The following AGAP1 variants were observed in gnomAD, a reference collection of about 807,000 sequenced individuals.
AGAP1 encodes ArfGAP with GTPase domain, ankyrin repeat and PH domain 1, also known as arf-GAP with GTPase, ANK repeat and PH domain-containing protein 1.
A neutral mutation model predicts 105.3 loss-of-function variants in AGAP1; 29 were observed. That is an observed-to-expected ratio of 0.28 (90% CI 0.21 to 0.38). The LOEUF (loss-of-function observed/expected upper bound fraction) is 0.38, where lower values mean the gene tolerates loss of function less well. AGAP1 is among the 10% of genes least tolerant of loss of function. AGAP1 has a pLI of 1.00. For synonymous variants in AGAP1, 509 were observed against 485.9 expected, an observed-to-expected ratio of 1.05 and a Z score of -0.63; for missense variants, 998 against 1,165.1, an observed-to-expected ratio of 0.86 and a Z score of 2.09.
Position 235,524,010 on chromosome 2 carries a change from G to C in AGAP1, c.163+29161G>C, listed in dbSNP as rs190337892. Among the ~76,000 whole-genome samples the C allele has an allele frequency of 2.2e-3, 331 of 152,340 alleles. 1 individual carries two copies. The highest frequency in any genetic ancestry group is 7.6e-3 in the African/African-American group (316 of 41,586). On this transcript the variant is annotated intron_variant, in intron 1 of 17. Coordinates refer to ENST00000304032, the MANE Select transcript of AGAP1 (RefSeq NM_001037131.3). ...ACTCACCACCCTGTGACCTGGCCAG[G>C]GTGTGGGATTGTGCCCGGCTTCCCC...
Position 236,105,650 on chromosome 2 carries a change from GGTTCACACCATTCTCCCGC to G in AGAP1, c.2115-14535_2115-14517del, listed in dbSNP as rs1376368307. Among the ~76,000 whole-genome samples the G allele has an allele frequency of 6.1e-5, 9 of 146,400 alleles. No individual in the cohort carries two copies. Among genetic ancestry groups the G allele is most frequent in the South Asian group, 4.5e-4 (2 of 4,446 alleles). ...GGCTCACTGCAACCTCCGCCTCCCG[GGTTCACACCATTCTCCCGC>G]GTTCACGCCATTCTCCCGCGTTCAC... On this transcript the variant is annotated intron_variant, in intron 16 of 17. Transcript: ENST00000304032. This position sits in a 1 kb window ranked among gnomAD's most constrained non-coding sequence, Gnocchi z 4.2.
In AGAP1 at chr2:236,105,562, T is replaced by C. The variant is rs1484249058; in HGVS notation, c.2115-14630T>C. Among the ~76,000 whole-genome samples the C allele has an allele frequency of 2.1e-5, 3 of 146,214 alleles. No individual in the cohort carries two copies. Among genetic ancestry groups the C allele is most frequent in the African/African-American group, 7.7e-5 (3 of 39,044 alleles). On this transcript the variant is annotated intron_variant, in intron 16 of 17. Transcript: ENST00000304032. This position sits in a 1 kb window ranked among gnomAD's most constrained non-coding sequence, Gnocchi z 4.2. ...GCATCTCTCGTGTCTTTTTTTTTTTTTTTTTTTTTTTGAGACACAGTCTCG... is the reference window on the plus strand; with the variant it reads ...GCATCTCTCGTGTCTTTTTTTTTTTCTTTTTTTTTTTGAGACACAGTCTCG...
chr2:236,001,114 C>T lies in AGAP1; in HGVS notation c.1645+32491C>T, dbSNP rs1559179265. 6.6e-6 allele frequency among the ~76,000 whole-genome samples: 1 copy of T among 152,082 alleles called. No homozygotes were observed. Among genetic ancestry groups the T allele is most frequent in the African/African-American group, 2.4e-5 (1 of 41,416 alleles). ...AGGGGATGGACCCTCAGAGGCGAGACGGACGTACAGGAAACACCACATGGA... is the reference window on the plus strand; with the variant it reads ...AGGGGATGGACCCTCAGAGGCGAGATGGACGTACAGGAAACACCACATGGA... On this transcript the variant is annotated intron_variant, in intron 13 of 17. Transcript: ENST00000304032. This position sits in a 1 kb window ranked among gnomAD's most constrained non-coding sequence, Gnocchi z 4.7.
In AGAP1 at chr2:235,623,255, C is replaced by T. The variant is rs897739001; in HGVS notation, c.164-85924C>T. ...GATTTATGCGTGTTCTGCAGGCTGACCTCTGCTTGTTGATCGTATTACAGC... is the reference window on the plus strand; with the variant it reads ...GATTTATGCGTGTTCTGCAGGCTGATCTCTGCTTGTTGATCGTATTACAGC... On this transcript the variant is annotated intron_variant, in intron 1 of 17. Transcript: ENST00000304032. This position sits in a 1 kb window ranked among gnomAD's most constrained non-coding sequence, Gnocchi z 4.5. Among the ~76,000 whole-genome samples the T allele has an allele frequency of 6.6e-6, 1 of 152,210 alleles. No individual in the cohort carries two copies. Among genetic ancestry groups the T allele is most frequent in the African/African-American group, 2.4e-5 (1 of 41,440 alleles).
intron 1 of AGAP1, among the ~76,000 whole-genome samples, chr2:235,695,543 G>T (rs938548214): frequency 6.6e-6 from 1 of 152,158 alleles, no homozygotes; most frequent in African/African-American, 2.4e-5. Flanking sequence ...TTTGTGCTCA[G>T]TATATTACAC....
intron 6 of AGAP1, among the ~76,000 whole-genome samples, chr2:235,768,675 C>A (rs2149831642): frequency 6.6e-6 from 1 of 152,342 alleles, no homozygotes. Flanking sequence ...CGGCGGCATC[C>A]AGGGATGTGC....
chr2:236,063,390 G>A (rs1014096934), intron 16 of AGAP1, among the ~76,000 whole-genome samples: 16 of 152,102 alleles, frequency 1.1e-4, no homozygotes, highest in Non-Finnish European at 1.8e-4. Context: ...CAGGAATGGT[G>A]GCTCTTAACC....
chr2:235,642,138 C>T lies in AGAP1; in HGVS notation c.164-67041C>T, dbSNP rs1947218377. 6.6e-6 allele frequency among the ~76,000 whole-genome samples: 1 copy of T among 152,202 alleles called. No individual in the cohort carries two copies. Among genetic ancestry groups the T allele is most frequent in the Non-Finnish European group, 1.5e-5 (1 of 68,032 alleles). On this transcript the variant is annotated intron_variant, in intron 1 of 17. Transcript: ENST00000304032. This position sits in a 1 kb window ranked among gnomAD's most constrained non-coding sequence, Gnocchi z 4.1. ...CCCCAGGGGCCCTCCAGAGGGTGCC[C>T]ATCCACGGAGTGCGGCGCCTGCTCG...
chr2:236,089,577 C>T lies in AGAP1; in HGVS notation c.2115-30615C>T, dbSNP rs2059009978. 6.6e-6 allele frequency among the ~76,000 whole-genome samples: 1 copy of T among 152,178 alleles called. No homozygotes were observed. The highest frequency in any genetic ancestry group is 1.5e-5 in the Non-Finnish European group (1 of 68,028). ...TTCCATATAGAGTTCATGCTCACCC[C>T]GAAGTCCTTCTTTGGCACTGGAGAA... is the stretch of plus-strand genomic sequence containing the variant. On this transcript the variant is annotated intron_variant, in intron 16 of 17. Coordinates refer to ENST00000304032, the MANE Select transcript of AGAP1 (RefSeq NM_001037131.3). This position sits in a 1 kb window ranked among gnomAD's most constrained non-coding sequence, Gnocchi z 5.6.
rs1393835782 is a variant in AGAP1, at chr2:236,092,582, C to A, written c.2115-27610C>A. Among the ~76,000 whole-genome samples, 1 of 152,030 alleles carries A rather than the reference C, an allele frequency of 6.6e-6. No individual in the cohort carries two copies. The highest frequency in any genetic ancestry group is 1.5e-5 in the Non-Finnish European group (1 of 68,018). Reference sequence around the variant, plus strand: ...CTAATTTTTGTATTTTTATTAGAGACGGGGTTTCACCGTGTTAGCCAGGAT... The same window carrying A: ...CTAATTTTTGTATTTTTATTAGAGAAGGGGTTTCACCGTGTTAGCCAGGAT... On this transcript the variant is annotated intron_variant, in intron 16 of 17. Transcript: ENST00000304032. This position sits in a 1 kb window ranked among gnomAD's most constrained non-coding sequence, Gnocchi z 4.7.
chr2:235,973,144 T>C lies in AGAP1; in HGVS notation c.1645+4521T>C, dbSNP rs914398620. On this transcript the variant is annotated intron_variant, in intron 13 of 17. Coordinates refer to ENST00000304032, the MANE Select transcript of AGAP1 (RefSeq NM_001037131.3). This position sits in a 1 kb window ranked among gnomAD's most constrained non-coding sequence, Gnocchi z 4.7. ...TACACGGGGCTGTCAGGGTGACCGATGGAAATTGGGCCGTTCCTGCCCTGG... is the reference window on the plus strand; with the variant it reads ...TACACGGGGCTGTCAGGGTGACCGACGGAAATTGGGCCGTTCCTGCCCTGG... Among the ~76,000 whole-genome samples, 1 of 152,178 alleles carries C rather than the reference T, an allele frequency of 6.6e-6. No homozygotes were observed. Among genetic ancestry groups the C allele is most frequent in the Non-Finnish European group, 1.5e-5 (1 of 68,038 alleles).
At chr2:235,890,942 C>CTAAAAAAAAAAAAAA (rs2050510411) in intron 10 of AGAP1, among the ~76,000 whole-genome samples, 1 of 117,668 alleles carries the variant, frequency 8.5e-6, no homozygotes, top group Non-Finnish European at 1.7e-5. Flanking sequence ...AACTGAGGCT[C>CTAAAAAAAAAAAAAA]AAAAAAAAAA....
At chr2:235,498,567 G>C (rs1941423217) in intron 1 of AGAP1, among the ~76,000 whole-genome samples, 1 of 152,212 alleles carries the variant, frequency 6.6e-6, no homozygotes, top group African/African-American at 2.4e-5. Flanking sequence ...TGATGGCATT[G>C]AGGTAGATGA....
In AGAP1 at chr2:236,038,250, C is replaced by G. The variant is rs1010724004; in HGVS notation, c.1800+1535C>G. On this transcript the variant is annotated intron_variant, in intron 14 of 17. Transcript: ENST00000304032. This position sits in a 1 kb window ranked among gnomAD's most constrained non-coding sequence, Gnocchi z 4.5. Reference sequence around the variant, plus strand: ...GGGAAGCAACAGCACACAGCATCCTCCAAGCGTGGGCAGCTCATTCTGAGA... The same window carrying G: ...GGGAAGCAACAGCACACAGCATCCTGCAAGCGTGGGCAGCTCATTCTGAGA... Among the ~76,000 whole-genome samples the G allele has an allele frequency of 1.3e-5, 2 of 152,192 alleles. No individual in the cohort carries two copies. Among genetic ancestry groups the G allele is most frequent in the Non-Finnish European group, 2.9e-5 (2 of 68,046 alleles).
In AGAP1 at chr2:235,777,225, C is replaced by G. The variant is rs1212172858; in HGVS notation, c.674-20534C>G. On this transcript the variant is annotated intron_variant, in intron 6 of 17. Transcript: ENST00000304032. This position sits in a 1 kb window ranked among gnomAD's most constrained non-coding sequence, Gnocchi z 5.1. ...TACAAAAAATTAGCCAGGCGTGCGC[C>G]TGTAATCCCAGCTACTCGGGAGTCT... is the stretch of plus-strand genomic sequence containing the variant. Among the ~76,000 whole-genome samples the G allele has an allele frequency of 2.6e-5, 4 of 152,192 alleles. No homozygotes were observed. The highest frequency in any genetic ancestry group is 5.9e-5 in the Non-Finnish European group (4 of 68,034).
At chr2:235,886,355 C>T (rs979846530) in intron 10 of AGAP1, among the ~76,000 whole-genome samples, 57 of 152,358 alleles carry the variant, frequency 3.7e-4, no homozygotes, top group Admixed American at 2.2e-3. Context: ...CAGGCTCAGT[C>T]GAAGGGATGT....
At chr2:235,853,257 A>G in intron 9 of AGAP1, 1 of 992,016 alleles carries the variant, frequency 1.0e-6, no homozygotes, top group Non-Finnish European at 1.2e-6. Context: ...ACGGGGTAAA[A>G]TGGCTCCCCC....
rs994042889 is a variant in AGAP1 at position 235,777,355 on chromosome 2, A to G, written c.674-20404A>G. On this transcript the variant is annotated intron_variant, in intron 6 of 17. Coordinates refer to ENST00000304032, the MANE Select transcript of AGAP1 (RefSeq NM_001037131.3). The surrounding 1 kb of genome is among the most constrained non-coding windows in gnomAD (Gnocchi z 5.1). The stretch of plus-strand genomic sequence containing the variant: ...ACAGAGCGAGACTCTGTCTCAAAAA[A>G]AAAGACAAAAGTGATTTCCTGAGCT... 1.3e-5 allele frequency among the ~76,000 whole-genome samples: 2 copies of G among 152,192 alleles called. No homozygotes were observed. The highest frequency in any genetic ancestry group is 2.9e-5 in the Non-Finnish European group (2 of 68,026).
At chr2:235,944,935 A>G (rs1390395558) in intron 12 of AGAP1, among the ~76,000 whole-genome samples, 6 of 152,362 alleles carry the variant, frequency 3.9e-5, no homozygotes, top group South Asian at 2.1e-4. Flanking sequence ...GCTTTTACAT[A>G]GGACCTTCTC....
Sources: allele counts gnomAD v4.1 joint callset (sites outside exome capture counted in the v4.1 genomes callset), GRCh38; gene constraint gnomAD v4.1.1; non-coding constraint Gnocchi (gnomAD v3.1); transcripts MANE v1.5; gene names NCBI Gene and HGNC (gene_info 2026-07-23, HGNC 2026-07-21).